Variants in PARD3B observed in about 807,000 individuals in gnomAD.
The protein encoded by PARD3B is partitioning defective 3 homolog B.
PARD3B carries 103 observed loss-of-function variants against 130.2 expected under a neutral mutation model. The observed-to-expected ratio is 0.79, with a 90% CI of 0.67 to 0.93. PARD3B has a LOEUF of 0.93. Ranked by LOEUF, PARD3B falls within the 40% of genes least tolerant of loss-of-function variation. The pLI is 0.00. For missense variants in PARD3B, 1,609 were observed against 1,499.2 expected (o/e 1.07, Z -1.21); for synonymous variants, 583 against 553.2 (o/e 1.05, Z -0.76).
intron 2 of PARD3B, among the ~76,000 whole-genome samples, chr2:204,849,587 G>C (rs943895655): frequency 6.6e-6 from 1 of 152,102 alleles, no homozygotes; most frequent in Admixed American, 6.6e-5. Context: ...ATCCCAAAAC[G>C]CTAATTTGCA....
rs1030715786 is a variant in PARD3B at position 204,839,173 on chromosome 2, G to A, written c.223-125979G>A. ...TGGGTTTCTATTAGCTACAGTTAGT[G>A]TTTTGGAGTATCAGAGAAACGGTGC... On this transcript the variant is annotated intron_variant, in intron 2 of 22. Coordinates refer to ENST00000406610, the MANE Select transcript of PARD3B (RefSeq NM_001302769.2). Among the ~76,000 whole-genome samples, 6 of 152,282 alleles carry A rather than the reference G, an allele frequency of 3.9e-5. No individual in the cohort carries two copies. In the South Asian group the frequency reaches 6.2e-4, roughly 16 times the overall value.
intron 2 of PARD3B, among the ~76,000 whole-genome samples, chr2:204,763,205 G>T (rs1392404703): frequency 6.6e-6 from 1 of 152,192 alleles, no homozygotes; most frequent in Non-Finnish European, 1.5e-5. Context: ...ATTGTTAACT[G>T]CTTTCCGATG....
Position 205,352,920 on chromosome 2 carries a change from A to G in PARD3B, c.2631-48093A>G, listed in dbSNP as rs1444634343. On this transcript the variant is annotated intron_variant, in intron 18 of 22. Coordinates refer to ENST00000406610, the MANE Select transcript of PARD3B (RefSeq NM_001302769.2). The surrounding 1 kb of genome is among the most constrained non-coding windows in gnomAD (Gnocchi z 5.2). The stretch of plus-strand genomic sequence containing the variant: ...CACCAGTGGCCACATCATATGGAGA[A>G]AGAACCAATGTTTCATCTTTCTGTT... Among the ~76,000 whole-genome samples the G allele has an allele frequency of 6.6e-6, 1 of 152,190 alleles. No individual in the cohort carries two copies. The highest frequency in any genetic ancestry group is 2.4e-5 in the African/African-American group (1 of 41,454).
intron 2 of PARD3B, among the ~76,000 whole-genome samples, chr2:204,868,855 A>C (rs2045524142): frequency 6.6e-6 from 1 of 152,102 alleles, no homozygotes; most frequent in African/African-American, 2.4e-5. Context: ...TGTGGTGGAG[A>C]TCCCATGCAA....
At chr2:204,966,669 A>G (rs1306964886) in intron 3 of PARD3B, among the ~76,000 whole-genome samples, 1 of 152,134 alleles carries the variant, frequency 6.6e-6, no homozygotes, top group Non-Finnish European at 1.5e-5. Context: ...GAGCTTTGTC[A>G]GGGAAAAAAG....
intron 2 of PARD3B, among the ~76,000 whole-genome samples, chr2:204,729,254 C>T (rs936443277): frequency 6.6e-6 from 1 of 152,180 alleles, no homozygotes; most frequent in African/African-American, 2.4e-5. Context: ...GCACTTGGCT[C>T]CTTTCATTGC....
chr2:205,240,925 A>G (rs2039324820), intron 15 of PARD3B, among the ~76,000 whole-genome samples: 1 of 152,208 alleles, frequency 6.6e-6, no homozygotes, highest in South Asian at 2.1e-4. Flanking sequence ...GTGTGTAAGT[A>G]TTATGTGCAC....
chr2:205,606,677 G>T (rs2055011217), intron 22 of PARD3B, among the ~76,000 whole-genome samples: 1 of 152,094 alleles, frequency 6.6e-6, no homozygotes, highest in African/African-American at 2.4e-5. Flanking sequence ...TTACTTGCCT[G>T]CTCTTGACAA....
At chr2:205,297,684 G>A (rs2041845107) in intron 16 of PARD3B, among the ~76,000 whole-genome samples, 1 of 152,098 alleles carries the variant, frequency 6.6e-6, no homozygotes, top group Non-Finnish European at 1.5e-5. Context: ...TCTAACATGA[G>A]TCCCTACTCT....
chr2:205,304,765 C>G (rs2042131954), intron 18 of PARD3B, among the ~76,000 whole-genome samples: 1 of 151,940 alleles, frequency 6.6e-6, no homozygotes, highest in African/African-American at 2.4e-5. Flanking sequence ...GGCAAAAACC[C>G]ATTTCCATAA....
Position 205,225,358 on chromosome 2 carries a change from A to G in PARD3B, c.2141-20420A>G, listed in dbSNP as rs753687185. Among the ~76,000 whole-genome samples, 7 of 152,182 alleles carry G rather than the reference A, an allele frequency of 4.6e-5. 1 individual carries two copies. Among genetic ancestry groups the G allele is most frequent in the African/African-American group, 7.2e-5 (3 of 41,462 alleles). ...TTGACTTGCATTTCTCTGATGATCAATGATGTTGAGCACCTTTTACTATAC... is the reference window on the plus strand; with the variant it reads ...TTGACTTGCATTTCTCTGATGATCAGTGATGTTGAGCACCTTTTACTATAC... On this transcript the variant is annotated intron_variant, in intron 15 of 22. Transcript: ENST00000406610.
At chr2:205,118,299 C>G (rs2030152454) in intron 6 of PARD3B, among the ~76,000 whole-genome samples, 1 of 152,098 alleles carries the variant, frequency 6.6e-6, no homozygotes, top group South Asian at 2.1e-4. Flanking sequence ...TCAGCTGTCC[C>G]CCAAATGTAT....
chr2:205,085,634 T>C (rs1443885896), intron 4 of PARD3B, among the ~76,000 whole-genome samples: 1 of 152,104 alleles, frequency 6.6e-6, no homozygotes, highest in African/African-American at 2.4e-5. Context: ...TTTATGTATT[T>C]TAAACAATAA....
chr2:205,492,757 T>C (rs1193319869), intron 20 of PARD3B, among the ~76,000 whole-genome samples: 4 of 152,178 alleles, frequency 2.6e-5, no homozygotes, highest in Non-Finnish European at 5.9e-5. Context: ...TTCAGAGCTG[T>C]TCTAGACTTA....
rs192129935 is a variant in PARD3B, at chr2:205,309,058, G to A, written c.2630+7357G>A. ...TGGTACTAAAGCCAAATCACTTTAT[G>A]CCTGCTTTTGTTTTCTTTTTTGCAA... On this transcript the variant is annotated intron_variant, in intron 18 of 22. Transcript: ENST00000406610. This position sits in a 1 kb window ranked among gnomAD's most constrained non-coding sequence, Gnocchi z 4.7. Among the ~76,000 whole-genome samples the A allele has an allele frequency of 1.3e-5, 2 of 148,638 alleles. No individual in the cohort carries two copies. Among genetic ancestry groups the A allele is most frequent in the East Asian group, 4.1e-4 (2 of 4,920 alleles).
intron 3 of PARD3B, among the ~76,000 whole-genome samples, chr2:204,991,680 TAC>T (rs1693695373): frequency 6.7e-6 from 1 of 150,144 alleles, no homozygotes; most frequent in Non-Finnish European, 1.5e-5. Context: ...TGAACTAGTT[TAC>T]AGTCCCACCA....
Position 204,853,526 on chromosome 2 carries a change from CG to C in PARD3B, c.223-111625del, listed in dbSNP as rs57170805. On this transcript the variant is annotated intron_variant, in intron 2 of 22. Coordinates refer to ENST00000406610, the MANE Select transcript of PARD3B (RefSeq NM_001302769.2). ...CTTTCATTATACAGAATAAGTCAGA[CG>C]TAAGAAAGCTGGCAATGGAAGTCAG... 8.2e-3 allele frequency among the ~76,000 whole-genome samples: 1,247 copies of C among 152,110 alleles called. 10 individuals are homozygous for C. The highest frequency in any genetic ancestry group is 0.028 in the African/African-American group (1,150 of 41,486).
At chr2:205,560,625 A>AGAC (rs1310092752) in intron 22 of PARD3B, among the ~76,000 whole-genome samples, 1 of 152,200 alleles carries the variant, frequency 6.6e-6, no homozygotes, top group African/African-American at 2.4e-5. Context: ...GTGGAGAGAA[A>AGAC]GACTCCCTTT....
chr2:204,979,717 A>G (rs1692505584), intron 3 of PARD3B, among the ~76,000 whole-genome samples: 1 of 152,178 alleles, frequency 6.6e-6, no homozygotes, highest in South Asian at 2.1e-4. Flanking sequence ...AATTATAGCA[A>G]TAGCCCCTCA....
Sources: allele counts gnomAD v4.1 joint callset (sites outside exome capture counted in the v4.1 genomes callset), GRCh38; gene constraint gnomAD v4.1.1; non-coding constraint Gnocchi (gnomAD v3.1); transcripts MANE v1.5; gene names NCBI Gene and HGNC (gene_info 2026-07-23, HGNC 2026-07-21).